RBPMS: variants seen among roughly 807,000 people sequenced by gnomAD.
RBPMS encodes RNA binding protein, mRNA processing factor, also known as RNA-binding protein with multiple splicing.
RBPMS carries 7 observed loss-of-function variants against 26.8 expected under a neutral mutation model. The observed-to-expected ratio is 0.26, with a 90% CI of 0.15 to 0.49. RBPMS has a LOEUF of 0.49. Ranked by LOEUF, RBPMS falls within the 20% of genes least tolerant of loss-of-function variation. RBPMS has a pLI of 0.98. For missense variants in RBPMS, 186 were observed against 250.0 expected (o/e 0.74, Z 1.73); for synonymous variants, 96 against 93.3 (o/e 1.03, Z -0.17).
At chr8:30,390,077 T>G (rs539144848) in intron 1 of RBPMS, among the ~76,000 whole-genome samples, 2 of 152,366 alleles carry the variant, frequency 1.3e-5, no homozygotes, top group East Asian at 3.9e-4. Flanking sequence ...GTATATTCAT[T>G]CATAAAACCA....
chr8:30,469,602 AG>A lies in RBPMS; in HGVS notation c.67-5175del, dbSNP rs763430385. Among the ~76,000 whole-genome samples the A allele has an allele frequency of 3.9e-5, 6 of 152,210 alleles. No individual in the cohort carries two copies. In the South Asian group the frequency reaches 8.3e-4, roughly 21 times the overall value. The stretch of plus-strand genomic sequence containing the variant: ...CAGTTTCATCTCTTGAACTTCTATG[AG>A]GCATGTTGTGTACTTGTCTAAGAAA... On this transcript the variant is annotated intron_variant, in intron 1 of 8. Transcript: ENST00000397323.
At chr8:30,563,325 T>C (rs1452986808) in intron 7 of RBPMS, among the ~76,000 whole-genome samples, 7 of 152,212 alleles carry the variant, frequency 4.6e-5, no homozygotes, top group Admixed American at 2.6e-4. Flanking sequence ...GAGCCCAGAA[T>C]ACAGAATCAC....
intron 6 of RBPMS, chr8:30,553,236 TC>T (rs1471175177): frequency 2.6e-5 from 4 of 152,236 alleles, no homozygotes; most frequent in Non-Finnish European, 4.4e-5. Context: ...GAGGAGTGGT[TC>T]CTTTACAAGA....
intron 5 of RBPMS, among the ~76,000 whole-genome samples, chr8:30,511,481 AAAAAAATATATATATATATATATATAT>A (rs1821630119): frequency 2.7e-5 from 2 of 73,182 alleles, no homozygotes; most frequent in African/African-American, 7.8e-5. Flanking sequence ...GAAAAAAAAA[AAAAAAATATATATATATATATATATAT>A]ATATATATAT....
intron 5 of RBPMS, among the ~76,000 whole-genome samples, chr8:30,511,543 GTGTGTGTA>G (rs1207949055): frequency 6.9e-5 from 9 of 129,750 alleles, no homozygotes; most frequent in Admixed American, 1.7e-4. Context: ...GTGTGTGTGT[GTGTGTGTA>G]TGTATAGATA....
At chr8:30,539,897 A>T (rs1825204444) in intron 5 of RBPMS, among the ~76,000 whole-genome samples, 1 of 152,182 alleles carries the variant, frequency 6.6e-6, no homozygotes, top group Non-Finnish European at 1.5e-5. Flanking sequence ...AAGTGCTGGG[A>T]TTACAGGCGT....
intron 4 of RBPMS, among the ~76,000 whole-genome samples, chr8:30,488,068 A>G (rs1704980763): frequency 6.6e-6 from 1 of 152,178 alleles, no homozygotes; most frequent in South Asian, 2.1e-4. Flanking sequence ...CTATAAACCT[A>G]TGACCAACAG....
At chr8:30,455,630 C>T (rs1172598539) in intron 1 of RBPMS, among the ~76,000 whole-genome samples, 1 of 152,158 alleles carries the variant, frequency 6.6e-6, no homozygotes, top group Non-Finnish European at 1.5e-5. Context: ...GAGCTCACGC[C>T]TGTAATCCCA....
At chr8:30,501,380 C>T (rs1356786152) in intron 4 of RBPMS, among the ~76,000 whole-genome samples, 6 of 151,618 alleles carry the variant, frequency 4.0e-5, no homozygotes, top group Non-Finnish European at 8.8e-5. Context: ...TGGTGCCTTC[C>T]CTGGCTCCCT....
At chr8:30,386,843 C>T (rs536210031) in intron 1 of RBPMS, among the ~76,000 whole-genome samples, 1 of 152,184 alleles carries the variant, frequency 6.6e-6, no homozygotes, top group East Asian at 1.9e-4. Context: ...CTTTATTCAC[C>T]CAGTTGAGAA....
At chr8:30,529,394 C>G (rs1000277548) in intron 5 of RBPMS, among the ~76,000 whole-genome samples, 6 of 151,970 alleles carry the variant, frequency 3.9e-5, no homozygotes, top group African/African-American at 1.4e-4. Context: ...CCCAGCTACT[C>G]GGGAGACTGA....
At chr8:30,532,082 T>C (rs765186211) in intron 5 of RBPMS, among the ~76,000 whole-genome samples, 1 of 152,246 alleles carries the variant, frequency 6.6e-6, no homozygotes, top group Non-Finnish European at 1.5e-5. Context: ...ATTGTTCTTA[T>C]TTTAAAAATA....
At chr8:30,567,274 G>T (rs996165585) in intron 8 of RBPMS, among the ~76,000 whole-genome samples, 2 of 152,186 alleles carry the variant, frequency 1.3e-5, no homozygotes, top group African/African-American at 4.8e-5. Context: ...ATACTCCGAC[G>T]ATACCTCTCA....
chr8:30,526,714 AT>A (rs1406802901), intron 5 of RBPMS, among the ~76,000 whole-genome samples: 1 of 152,162 alleles, frequency 6.6e-6, no homozygotes, highest in Non-Finnish European at 1.5e-5. Flanking sequence ...ATCATAACTA[AT>A]TTTACCAAGC....
intron 1 of RBPMS, among the ~76,000 whole-genome samples, chr8:30,419,009 C>G (rs1182322103): frequency 6.7e-6 from 1 of 150,362 alleles, no homozygotes; most frequent in Non-Finnish European, 1.5e-5. Flanking sequence ...AAGATAGGCC[C>G]CTGTTATCAT....
intron 6 of RBPMS, among the ~76,000 whole-genome samples, chr8:30,557,390 G>T (rs1382601022): frequency 6.6e-6 from 1 of 152,172 alleles, no homozygotes; most frequent in African/African-American, 2.4e-5. Flanking sequence ...TTAGAATCAA[G>T]TTAGGGGATC....
At chr8:30,541,840 G>C (rs1023891756) in intron 5 of RBPMS, among the ~76,000 whole-genome samples, 1 of 152,190 alleles carries the variant, frequency 6.6e-6, no homozygotes, top group Non-Finnish European at 1.5e-5. Context: ...TCTAGCTTTT[G>C]TAATTTTCTC....
chr8:30,522,727 A>G (rs748941096), intron 5 of RBPMS, among the ~76,000 whole-genome samples: 3 of 152,240 alleles, frequency 2.0e-5, no homozygotes, highest in Non-Finnish European at 2.9e-5. Context: ...AACTATGTAT[A>G]GCTCTTTGTA....
intron 5 of RBPMS, among the ~76,000 whole-genome samples, chr8:30,506,871 TATGAACTTA>T (rs1821128042): frequency 6.6e-6 from 1 of 151,992 alleles, no homozygotes; most frequent in African/African-American, 2.4e-5. Flanking sequence ...TCCATAAATA[TATGAACTTA>T]ATGAACTTAA....
Sources: gnomAD v4.1 joint callset for allele counts (sites outside exome capture counted in the v4.1 genomes callset) on GRCh38, gnomAD v4.1.1 for gene constraint, MANE v1.5 for transcripts, NCBI Gene and HGNC (gene_info 2026-07-23, HGNC 2026-07-21) for gene names.